Variants in CPLANE1 observed in about 807,000 individuals in gnomAD.
The protein encoded by CPLANE1 is ciliogenesis and planar polarity effector complex subunit 1, also known as ciliogenesis and planar polarity effector 1.
A neutral mutation model predicts 362.5 loss-of-function variants in CPLANE1; 263 were observed. That is an observed-to-expected ratio of 0.73 (90% CI 0.66 to 0.80). The LOEUF is 0.80. Ranked by LOEUF, CPLANE1 falls within the 30% of genes least tolerant of loss-of-function variation. The pLI, the probability that CPLANE1 is intolerant of heterozygous loss-of-function variation, is 0.00. For synonymous variants in CPLANE1, 1,212 were observed against 1,302.6 expected (o/e 0.93, Z 1.50); for missense variants, 3,461 against 3,793.4 (o/e 0.91, Z 2.30).
intron 50 of CPLANE1, among the ~76,000 whole-genome samples, chr5:37,118,535 A>G (rs1302812154): frequency 6.6e-6 from 1 of 152,062 alleles, no homozygotes; most frequent in Non-Finnish European, 1.5e-5. Context: ...TGTAGGCTCT[A>G]GACCCACCCT....
chr5:37,209,315 G>A lies in CPLANE1; in HGVS notation c.2921-2890C>T, dbSNP rs539603576. 48 of 807,530 alleles carry A rather than the reference G, an allele frequency of 5.9e-5. No homozygotes were observed. The highest frequency in any genetic ancestry group is 6.4e-4 in the Middle Eastern group (2 of 3,106). The allele number at this position is 807,530 out of a possible 1,614,324, so 50.0% of individuals were successfully genotyped here. On this transcript the variant is annotated intron_variant, in intron 16 of 52. Coordinates refer to ENST00000651892, the MANE Select transcript of CPLANE1 (RefSeq NM_001384732.1). The surrounding 1 kb of genome is among the most constrained non-coding windows in gnomAD (Gnocchi z 4.6). The stretch of plus-strand genomic sequence containing the variant: ...ACAGCCCCAGCTGGGCACTAAACTC[G>A]GGCCACGGCGGGGCGAGCGAGGCGG...
intron 34 of CPLANE1, among the ~76,000 whole-genome samples, chr5:37,168,168 G>A (rs1033128535): frequency 1.2e-4 from 19 of 152,134 alleles, no homozygotes; most frequent in Admixed American, 3.3e-4. Context: ...TACCTTTAAA[G>A]AGGACTTGGT....
chr5:37,112,183 A>G (rs1444795959), intron 51 of CPLANE1, among the ~76,000 whole-genome samples: 1 of 152,250 alleles, frequency 6.6e-6, no homozygotes, highest in Admixed American at 6.5e-5. Context: ...AGAAAGAATG[A>G]CAAATCAAAC....
At chr5:37,147,543 A>T (rs1051252250) in intron 43 of CPLANE1, among the ~76,000 whole-genome samples, 7 of 152,148 alleles carry the variant, frequency 4.6e-5, no homozygotes, top group African/African-American at 1.7e-4. Flanking sequence ...AGAAAAAATA[A>T]AGTTAGAAAA....
At chr5:37,119,860 G>A (rs1304524348) in intron 50 of CPLANE1, among the ~76,000 whole-genome samples, 1 of 148,340 alleles carries the variant, frequency 6.7e-6, no homozygotes, top group Non-Finnish European at 1.5e-5. Flanking sequence ...GGTGGTGGGC[G>A]CCTGTAATCC....
chr5:37,215,654 G>C (rs1465455438), intron 15 of CPLANE1, among the ~76,000 whole-genome samples: 1 of 151,484 alleles, frequency 6.6e-6, no homozygotes, highest in African/African-American at 2.4e-5. Context: ...TTTTTAAATG[G>C]AGGTATCTAT....
At chr5:37,157,175 T>C in intron 41 of CPLANE1, 138 bp downstream of exon 41, 1 of 337,738 alleles carries the variant, frequency 3.0e-6, no homozygotes, top group South Asian at 2.4e-5. Flanking sequence ...CTCTATTTCA[T>C]TTACCTACTT....
chr5:37,115,388 A>G (rs1316443603), intron 50 of CPLANE1, among the ~76,000 whole-genome samples: 2 of 152,192 alleles, frequency 1.3e-5, no homozygotes, highest in Admixed American at 1.3e-4. Context: ...CAAAATGCCA[A>G]GTTAAATTTT....
At chr5:37,187,038 G>A (rs370359833) in intron 23 of CPLANE1, among the ~76,000 whole-genome samples, 4 of 131,092 alleles carry the variant, frequency 3.1e-5, no homozygotes, top group African/African-American at 1.0e-4. Flanking sequence ...TCTAGCCTGG[G>A]TGACAGAGCG....
chr5:37,114,466 C>T (rs929942032), intron 51 of CPLANE1, among the ~76,000 whole-genome samples: 8 of 152,170 alleles, frequency 5.3e-5, no homozygotes, highest in Non-Finnish European at 1.0e-4. Context: ...TAGAAATTTG[C>T]GTAAGGTTAC....
chr5:37,087,101 C>T, the CPLANE1 span, among the ~76,000 whole-genome samples: 1 of 152,184 alleles, frequency 6.6e-6, no homozygotes, highest in Non-Finnish European at 1.5e-5. Context: ...GCCCGTTTCA[C>T]AGGCTCAGTT....
In CPLANE1 at chr5:37,164,264, C is replaced by T. The variant is rs762078412; in HGVS notation, c.7588+9G>A. On this transcript the variant is annotated intron_variant, in intron 37 of 52. Coordinates refer to ENST00000651892, the MANE Select transcript of CPLANE1 (RefSeq NM_001384732.1). ...ACTTAGACATTACATTAATCATACA[C>T]ATACATACCAAAAGGAACGTCGAAG... The T allele has an allele frequency of 6.2e-7, 1 of 1,601,366 alleles. No individual in the cohort carries two copies. The highest frequency in any genetic ancestry group is 8.6e-7 in the Non-Finnish European group (1 of 1,168,624).
At chr5:37,216,040 T>C (rs1296992699) in intron 15 of CPLANE1, among the ~76,000 whole-genome samples, 1 of 152,008 alleles carries the variant, frequency 6.6e-6, no homozygotes, top group Non-Finnish European at 1.5e-5. Flanking sequence ...TTTCGCCATG[T>C]TGGACAGGCT....
At chr5:37,182,651 A>G (rs1782973770) in intron 26 of CPLANE1, 109 bp downstream of exon 26, 1 of 739,306 alleles carries the variant, frequency 1.4e-6, no homozygotes, top group South Asian at 2.0e-5. Context: ...CAACATTGTC[A>G]TTAATTTTCT....
At chr5:37,150,082 C>T (rs1408136529) in intron 42 of CPLANE1, among the ~76,000 whole-genome samples, 2 of 152,120 alleles carry the variant, frequency 1.3e-5, no homozygotes, top group African/African-American at 4.8e-5. Context: ...TCACCTCCAC[C>T]TCCCCAACAG....
intron 33 of CPLANE1, among the ~76,000 whole-genome samples, 194 bp downstream of exon 33, chr5:37,169,847 C>T (rs1779263456): frequency 6.6e-6 from 1 of 152,084 alleles, no homozygotes; most frequent in Non-Finnish European, 1.5e-5. Context: ...CTGCCTCAGC[C>T]TCCTGAGTAG....
Position 37,195,922 on chromosome 5 carries a change from G to A in CPLANE1, c.3747C>T (p.Ile1249=), listed in dbSNP as rs145484347. ...QSLLNYCKGG[I]AFFRPGAAGD... The stretch of plus-strand genomic sequence containing the variant: ...CAGCTGCTCCAGGTCTAAAAAATGC[G>A]ATACCTCCTTTACAGTAATTAAGTA... Residue 1249 remains isoleucine, a synonymous_variant, in exon 21 of 53, where the codon ATC becomes ATT. Transcript: ENST00000651892. 2.0e-5 allele frequency: 32 copies of A among 1,613,140 alleles called. No individual in the cohort carries two copies. In the African/African-American group the frequency reaches 2.5e-4, roughly 13 times the overall value.
intron 8 of CPLANE1, 103 bp downstream of exon 8, chr5:37,238,754 T>C: frequency 1.9e-6 from 1 of 526,826 alleles, no homozygotes; most frequent in South Asian, 4.9e-5. Flanking sequence ...TCACCTTGGT[T>C]TCCCAAAGTG....
chr5:37,076,365 A>C, the CPLANE1 span, among the ~76,000 whole-genome samples: 4 of 151,858 alleles, frequency 2.6e-5, no homozygotes, highest in Admixed American at 2.6e-4. Flanking sequence ...TCACTCTGTT[A>C]CCCAGGTGCA....
Sources: allele counts gnomAD v4.1 joint callset (sites outside exome capture counted in the v4.1 genomes callset), GRCh38; gene constraint gnomAD v4.1.1; non-coding constraint Gnocchi (gnomAD v3.1); transcripts MANE v1.5; gene names NCBI Gene and HGNC (gene_info 2026-07-23, HGNC 2026-07-21).